Variants in DCLK2 observed in about 807,000 individuals in gnomAD.
The protein encoded by DCLK2 is serine/threonine-protein kinase DCLK2.
DCLK2 carries 31 observed loss-of-function variants against 78.4 expected under a neutral mutation model. The ratio of observed to expected loss-of-function variants is 0.40; its 90% CI spans 0.30 to 0.53. The LOEUF is 0.53. Among genes scored for constraint, DCLK2 ranks in the 20% least tolerant of loss-of-function variants. DCLK2 has a pLI of 0.61. For missense variants in DCLK2, 872 were observed against 973.7 expected (o/e 0.90, Z 1.39); for synonymous variants, 407 against 374.9 (o/e 1.09, Z -0.99).
At chr4:150,116,988 G>A (rs1437526282) in intron 2 of DCLK2, among the ~76,000 whole-genome samples, 2 of 152,114 alleles carry the variant, frequency 1.3e-5, no homozygotes, top group Admixed American at 6.5e-5. Context: ...TGTCTTAGGC[G>A]ATGGGCAGTG....
intron 3 of DCLK2, among the ~76,000 whole-genome samples, chr4:150,195,229 ATATAAACAATATTATATATTATATAT>A (rs1162843360): frequency 3.0e-4 from 1 of 3,366 alleles, no homozygotes; most frequent in African/African-American, 1.3e-3. Flanking sequence ...ATTATATATT[ATATAAACAATATTATATATTATATAT>A]TATATTATAT....
chr4:150,186,220 A>G (rs1047892966), intron 2 of DCLK2, among the ~76,000 whole-genome samples: 12 of 152,098 alleles, frequency 7.9e-5, no homozygotes, highest in Admixed American at 6.6e-4. Context: ...GATGTTATTC[A>G]TACTGATTTT....
At chr4:150,082,975 T>A (rs918808007) in intron 1 of DCLK2, among the ~76,000 whole-genome samples, 1 of 152,214 alleles carries the variant, frequency 6.6e-6, no homozygotes, top group Non-Finnish European at 1.5e-5. Context: ...CTGACTAGAT[T>A]TGAGAAAAAT....
At chr4:150,204,871 G>A (rs1739730595) in intron 5 of DCLK2, among the ~76,000 whole-genome samples, 1 of 150,798 alleles carries the variant, frequency 6.6e-6, no homozygotes, top group African/African-American at 2.4e-5. Flanking sequence ...CAGCCTGGGT[G>A]ACAAAGCGAG....
chr4:150,212,860 T>C (rs1396011314), intron 5 of DCLK2, among the ~76,000 whole-genome samples: 1 of 152,220 alleles, frequency 6.6e-6, no homozygotes, highest in African/African-American at 2.4e-5. Flanking sequence ...CAGAAATTCT[T>C]CTTGGTAGTG....
chr4:150,246,389 CATCACAACAG>C, intron 12 of DCLK2, among the ~76,000 whole-genome samples: 3 of 152,194 alleles, frequency 2.0e-5, no homozygotes, highest in African/African-American at 7.2e-5. Flanking sequence ...GGAGCCATGT[CATCACAACAG>C]CCCTAGAATT....
intron 2 of DCLK2, among the ~76,000 whole-genome samples, chr4:150,164,320 G>T (rs114431151): frequency 0.028 from 4,247 of 152,202 alleles, 164 homozygotes; most frequent in African/African-American, 0.093. Context: ...CAGCATTTTT[G>T]AACTGTGCAG....
chr4:150,254,771 C>G (rs1024823794), intron 15 of DCLK2, among the ~76,000 whole-genome samples: 5 of 152,114 alleles, frequency 3.3e-5, no homozygotes, highest in African/African-American at 1.2e-4. Flanking sequence ...TCCTCAAACT[C>G]CTGAGCTCAA....
intron 2 of DCLK2, among the ~76,000 whole-genome samples, chr4:150,153,783 G>A (rs1318409098): frequency 6.6e-6 from 1 of 152,024 alleles, no homozygotes; most frequent in African/African-American, 2.4e-5. Context: ...ACAAACTGGT[G>A]TGAGGAGAAA....
intron 2 of DCLK2, among the ~76,000 whole-genome samples, chr4:150,190,920 C>T (rs1738402069): frequency 6.6e-6 from 1 of 152,072 alleles, no homozygotes; most frequent in Non-Finnish European, 1.5e-5. Flanking sequence ...AGGGAGACCC[C>T]ATCTCTACCT....
intron 3 of DCLK2, among the ~76,000 whole-genome samples, chr4:150,194,022 GACACACACACACACAC>G (rs58179559): frequency 0.014 from 1,899 of 133,860 alleles, 21 homozygotes; most frequent in African/African-American, 0.038. Context: ...AAAGTGCTGG[GACACACACACACACAC>G]ACACACACAC....
intron 4 of DCLK2, among the ~76,000 whole-genome samples, chr4:150,200,363 C>T (rs945944025): frequency 2.0e-5 from 3 of 152,106 alleles, no homozygotes; most frequent in African/African-American, 4.8e-5. Flanking sequence ...AGAAAATGAT[C>T]TTTTTTATAA....
chr4:150,255,958 G>A (rs767050403), intron 15 of DCLK2, 62 bp from the exon 16 acceptor site: 62 of 1,578,500 alleles, frequency 3.9e-5, no homozygotes, highest in Non-Finnish European at 4.9e-5. Context: ...CTCTCTGCTC[G>A]TGGCAGCTGG....
chr4:150,174,091 G>A (rs1057159833), intron 2 of DCLK2, among the ~76,000 whole-genome samples: 2 of 152,122 alleles, frequency 1.3e-5, no homozygotes, highest in Non-Finnish European at 2.9e-5. Context: ...AATGAACTCC[G>A]GGAATGGCAG....
chr4:150,086,005 A>G (rs958313757), intron 1 of DCLK2, among the ~76,000 whole-genome samples: 7 of 152,128 alleles, frequency 4.6e-5, no homozygotes, highest in African/African-American at 1.7e-4. Context: ...TGGGTACTTG[A>G]TCAGATGTAG....
intron 2 of DCLK2, among the ~76,000 whole-genome samples, chr4:150,161,112 T>C (rs1214078236): frequency 6.6e-6 from 1 of 152,168 alleles, no homozygotes; most frequent in Admixed American, 6.5e-5. Flanking sequence ...TTAAAGTATA[T>C]AGATTGTGAA....
At chr4:150,108,251 G>C (rs1057243832) in intron 2 of DCLK2, among the ~76,000 whole-genome samples, 2 of 152,042 alleles carry the variant, frequency 1.3e-5, no homozygotes, top group African/African-American at 4.8e-5. Flanking sequence ...GCTCACGCCT[G>C]TAATCCCAGC....
At chr4:150,184,369 T>C (rs1737746190) in intron 2 of DCLK2, among the ~76,000 whole-genome samples, 1 of 152,162 alleles carries the variant, frequency 6.6e-6, no homozygotes, top group African/African-American at 2.4e-5. Context: ...GAAAAATGCA[T>C]TTCAACTTTT....
chr4:150,134,074 C>CT (rs1733516411), intron 2 of DCLK2, among the ~76,000 whole-genome samples: 2 of 119,262 alleles, frequency 1.7e-5, no homozygotes, highest in Non-Finnish European at 3.5e-5. Context: ...TGCGTATAAA[C>CT]TCTTTTTTTT....
Sources: gnomAD v4.1 joint callset for allele counts (sites outside exome capture counted in the v4.1 genomes callset) on GRCh38, gnomAD v4.1.1 for gene constraint, MANE v1.5 for transcripts, NCBI Gene and HGNC (gene_info 2026-07-23, HGNC 2026-07-21) for gene names.